The following TENM3 variants were observed in gnomAD, a reference collection of about 807,000 sequenced individuals.
The protein encoded by TENM3 is teneurin-3.
Under a neutral mutation model 255.1 loss-of-function variants are expected in TENM3, and 63 were observed. The ratio of observed to expected loss-of-function variants is 0.25; its 90% confidence interval spans 0.20 to 0.30. The LOEUF is 0.30. Ranked by LOEUF, TENM3 falls within the 10% of genes least tolerant of loss-of-function variation. The pLI is 1.00. For missense variants in TENM3, 2,929 were observed against 3,461.1 expected, an observed-to-expected ratio of 0.85 and a Z score of 3.86; for synonymous variants, 1,306 against 1,322.3, an observed-to-expected ratio of 0.99 and a Z score of 0.27.
chr4:181,507,563 A>G, the TENM3 span, among the ~76,000 whole-genome samples: 2 of 152,304 alleles, frequency 1.3e-5, no homozygotes, highest in Non-Finnish European at 2.9e-5. Flanking sequence ...TTTTTTATAC[A>G]TGTCCTGTGG....
At chr4:181,755,471 C>T in the TENM3 span, among the ~76,000 whole-genome samples, 1 of 151,750 alleles carries the variant, frequency 6.6e-6, no homozygotes, top group African/African-American at 2.4e-5. Context: ...GTTTGTCAAA[C>T]TTCTTAAAAG....
At chr4:181,456,504 T>C in the TENM3 span, among the ~76,000 whole-genome samples, 1 of 151,888 alleles carries the variant, frequency 6.6e-6, no homozygotes, top group South Asian at 2.1e-4. Context: ...TGATAGCTTT[T>C]AGGTTGATAA....
At chr4:182,420,235 A>G (rs1054797301) in intron 3 of TENM3, among the ~76,000 whole-genome samples, 2 of 152,096 alleles carry the variant, frequency 1.3e-5, no homozygotes, top group Non-Finnish European at 2.9e-5. Flanking sequence ...GGAGAGGTAG[A>G]TATTCGAGTT....
At chr4:182,346,295 G>T (rs535317301) in intron 2 of TENM3, among the ~76,000 whole-genome samples, 33 of 152,226 alleles carry the variant, frequency 2.2e-4, no homozygotes, top group African/African-American at 6.5e-4. Flanking sequence ...AAATAATTCT[G>T]ACAATTTCCA....
intron 1 of TENM3, among the ~76,000 whole-genome samples, chr4:182,312,330 C>G (rs941627621): frequency 6.6e-6 from 1 of 151,984 alleles, no homozygotes; most frequent in Non-Finnish European, 1.5e-5. Context: ...CCACCGTACT[C>G]CAGCCTGGGC....
Position 182,793,988 on chromosome 4 carries a change from A to G in TENM3, c.7213+103A>G. 9.9e-7 allele frequency: 1 copy of G among 1,015,228 alleles called. No homozygotes were observed. 62.9% of individuals were successfully genotyped at this position (1,015,228 alleles called of 1,614,324 possible). On this transcript the variant is annotated intron_variant, in intron 26 of 27. Transcript: ENST00000511685. The surrounding 1 kb of genome is among the most constrained non-coding windows in gnomAD (Gnocchi z 5.7). ...TTTTAAAAAACTTTATACTTTACTC[A>G]GGCAAAGGCAAATGGCTAACCTTTT...
At chr4:182,204,727 G>T (rs931618940) in intron 1 of TENM3, among the ~76,000 whole-genome samples, 7 of 151,960 alleles carry the variant, frequency 4.6e-5, no homozygotes, top group Admixed American at 3.3e-4. Context: ...TGTGATGCTT[G>T]TACAGAATTC....
chr4:181,908,094 G>C, the TENM3 span, among the ~76,000 whole-genome samples: 1 of 152,054 alleles, frequency 6.6e-6, no homozygotes, highest in Non-Finnish European at 1.5e-5. Context: ...GCAAGTCACT[G>C]TATTTGTCTT....
At chr4:181,894,324 T>A in the TENM3 span, among the ~76,000 whole-genome samples, 2 of 152,152 alleles carry the variant, frequency 1.3e-5, no homozygotes, top group Admixed American at 1.3e-4. Context: ...AGTAAGAGCA[T>A]GAAGGTAGCT....
At chr4:181,979,479 G>C in the TENM3 span, among the ~76,000 whole-genome samples, 9 of 151,904 alleles carry the variant, frequency 5.9e-5, no homozygotes, top group Non-Finnish European at 1.2e-4. Context: ...ACTTCATACA[G>C]AGCAAAAAGT....
chr4:182,235,622 C>T (rs939618083), intron 1 of TENM3, among the ~76,000 whole-genome samples: 55 of 151,764 alleles, frequency 3.6e-4, no homozygotes, highest in African/African-American at 1.3e-3. Context: ...CACATACACA[C>T]GGGAGCCATC....
the TENM3 span, among the ~76,000 whole-genome samples, chr4:181,532,899 C>A: frequency 6.6e-6 from 1 of 152,022 alleles, no homozygotes; most frequent in Non-Finnish European, 1.5e-5. Flanking sequence ...ATATAAAACC[C>A]TTTTTGATGA....
At chr4:181,470,848 G>T in the TENM3 span, among the ~76,000 whole-genome samples, 165 of 152,072 alleles carry the variant, frequency 1.1e-3, 2 homozygotes, top group African/African-American at 3.9e-3. Context: ...CACATTGTAA[G>T]GTGAAAAAAA....
intron 1 of TENM3, among the ~76,000 whole-genome samples, chr4:182,300,521 C>T (rs1761790517): frequency 6.6e-6 from 1 of 152,188 alleles, no homozygotes; most frequent in East Asian, 1.9e-4. Context: ...TTGCCACTGA[C>T]TGGAGTGGAC....
the TENM3 span, among the ~76,000 whole-genome samples, chr4:181,713,078 A>G: frequency 6.6e-6 from 1 of 152,242 alleles, no homozygotes; most frequent in Non-Finnish European, 1.5e-5. Flanking sequence ...CCTTTCCCAG[A>G]GTACCTCTCA....
the TENM3 span, among the ~76,000 whole-genome samples, chr4:181,662,723 A>G: frequency 4.5e-4 from 68 of 152,340 alleles, 1 homozygote; most frequent in African/African-American, 1.5e-3. Context: ...CCATGGAACA[A>G]TAAACAACTA....
Position 182,419,909 on chromosome 4 carries a change from C to T in TENM3, c.511+72980C>T, listed in dbSNP as rs759013729. Among the ~76,000 whole-genome samples, 8 of 151,538 alleles carry T rather than the reference C, an allele frequency of 5.3e-5. No individual in the cohort carries two copies. The East Asian group carries it at 1.2e-3, about 22-fold the overall frequency. On this transcript the variant is annotated intron_variant, in intron 3 of 27. Coordinates refer to ENST00000511685, the MANE Select transcript of TENM3 (RefSeq NM_001080477.4). ...GGGAAGGATAGCATTAGGAGATATA[C>T]GTAATGTAAATGACGAGTTAACAGG...
the TENM3 span, among the ~76,000 whole-genome samples, chr4:181,500,286 C>T: frequency 1.1e-4 from 16 of 151,786 alleles, no homozygotes; most frequent in Non-Finnish European, 7.4e-5. Context: ...GCCCCTGCCT[C>T]CCAAAGTGCT....
chr4:182,068,844 C>T, the TENM3 span, among the ~76,000 whole-genome samples: 1 of 151,796 alleles, frequency 6.6e-6, no homozygotes, highest in Non-Finnish European at 1.5e-5. Context: ...CATTAATGAT[C>T]AAGATTAAAA....
Sources: allele counts gnomAD v4.1 joint callset (sites outside exome capture counted in the v4.1 genomes callset), GRCh38; gene constraint gnomAD v4.1.1; non-coding constraint Gnocchi (gnomAD v3.1); transcripts MANE v1.5; gene names NCBI Gene and HGNC (gene_info 2026-07-23, HGNC 2026-07-21).